The following NTM variants were observed in gnomAD, a reference collection of about 807,000 sequenced individuals.
The protein encoded by NTM is neurotrimin.
A neutral mutation model predicts 42.1 loss-of-function variants in NTM; 13 were observed. The observed-to-expected ratio is 0.31, with a 90% CI of 0.20 to 0.49. The LOEUF is 0.49. Ranked by LOEUF, NTM falls within the 20% of genes least tolerant of loss-of-function variation. The probability of loss-of-function intolerance (pLI) is 0.99; values close to 1 mark genes in which losing one functional copy is unlikely to be tolerated. For synonymous variants in NTM, 187 were observed against 179.2 expected, an observed-to-expected ratio of 1.04 and a Z score of -0.35; for missense variants, 373 against 452.8, an observed-to-expected ratio of 0.82 and a Z score of 1.60.
rs545096743 is a variant in NTM, at chr11:132,220,837, G to A, written c.526+8690G>A. On this transcript the variant is annotated intron_variant, in intron 4 of 8. Coordinates refer to ENST00000683400, the MANE Select transcript of NTM (RefSeq NM_001352005.2). ...TCATCCTCCCCACAGAAGCCAACCA[G>A]CCATAGCTCAGTAAGATGCAAAGTC... Among the ~76,000 whole-genome samples the A allele has an allele frequency of 6.6e-5, 10 of 152,260 alleles. No homozygotes were observed. In the South Asian group the frequency reaches 2.1e-3, roughly 32 times the overall value.
intron 4 of NTM, among the ~76,000 whole-genome samples, chr11:132,277,506 T>C (rs2093775532): frequency 6.6e-6 from 1 of 152,306 alleles, no homozygotes; most frequent in African/African-American, 2.4e-5. Context: ...CTTTTCTTCT[T>C]TTCCCTTATA....
chr11:132,312,710 C>A (rs1227232448), intron 6 of NTM: 3 of 154,906 alleles, frequency 1.9e-5, no homozygotes, highest in Non-Finnish European at 4.4e-5. Context: ...AAAGCTTCCT[C>A]CCCATGGTGG....
At chr11:131,812,341 A>C (rs2092772735) in intron 1 of NTM, among the ~76,000 whole-genome samples, 1 of 152,102 alleles carries the variant, frequency 6.6e-6, no homozygotes, top group African/African-American at 2.4e-5. Context: ...CCTTTCAGTA[A>C]ATAGTGATGT....
chr11:131,925,537 C>T (rs541285201), intron 2 of NTM, among the ~76,000 whole-genome samples: 1 of 152,096 alleles, frequency 6.6e-6, no homozygotes, highest in South Asian at 2.1e-4. Flanking sequence ...AGGTACATGC[C>T]ACCATGCCCA....
rs115722271 is a variant in NTM at position 131,522,872 on chromosome 11, G to A, written c.82+151984G>A. Among the ~76,000 whole-genome samples, 708 of 152,302 alleles carry A rather than the reference G, an allele frequency of 4.6e-3. 5 individuals are homozygous for A. The highest frequency in any genetic ancestry group is 0.016 in the African/African-American group (666 of 41,572). On this transcript the variant is annotated intron_variant, in intron 1 of 8. Transcript: ENST00000683400. ...TAGCAGCCATTTAAAACATGCTAAT[G>A]CCTGGGTTCTACTCTAGACTGATGA...
At chr11:132,057,582 G>A (rs536162178) in intron 2 of NTM, among the ~76,000 whole-genome samples, 2 of 152,272 alleles carry the variant, frequency 1.3e-5, no homozygotes, top group Admixed American at 6.5e-5. Context: ...GAGCTGTGCT[G>A]CCCCTTCCTT....
intron 1 of NTM, among the ~76,000 whole-genome samples, chr11:131,828,365 G>A (rs1208700760): frequency 1.3e-5 from 2 of 151,526 alleles, no homozygotes; most frequent in Non-Finnish European, 2.9e-5. Flanking sequence ...CACCATCTTT[G>A]CCATCACTGC....
intron 1 of NTM, among the ~76,000 whole-genome samples, chr11:131,473,921 A>G (rs998302279): frequency 1.3e-5 from 2 of 152,070 alleles, no homozygotes; most frequent in Admixed American, 1.3e-4. Context: ...TCTTTTTCAA[A>G]CTATTGAGTT....
chr11:132,327,074 A>T (rs896735957), intron 7 of NTM, among the ~76,000 whole-genome samples: 19 of 152,240 alleles, frequency 1.2e-4, no homozygotes, highest in Non-Finnish European at 2.5e-4. Context: ...TTCTGCAAAC[A>T]AAACAGATTG....
In NTM at chr11:132,146,233, T is replaced by C. The variant is rs1023850538; in HGVS notation, c.168-49T>C. The C allele has an allele frequency of 1.2e-6, 2 of 1,603,476 alleles. No individual in the cohort carries two copies. The highest frequency in any genetic ancestry group is 2.7e-5 in the African/African-American group (2 of 74,766). On this transcript the variant is annotated intron_variant, in intron 2 of 8. Transcript: ENST00000683400. The surrounding 1 kb of genome is among the most constrained non-coding windows in gnomAD (Gnocchi z 4.5). ...GCCATGAGGACCTCCCTCTGATGGCTGCTGTCGTCTCTCAGTCCCTTGACG... is the reference window on the plus strand; with the variant it reads ...GCCATGAGGACCTCCCTCTGATGGCCGCTGTCGTCTCTCAGTCCCTTGACG...
At chr11:131,439,449 A>G (rs1591667459) in intron 1 of NTM, among the ~76,000 whole-genome samples, 1 of 152,330 alleles carries the variant, frequency 6.6e-6, no homozygotes, top group African/African-American at 2.4e-5. Flanking sequence ...TTTCTGAGCT[A>G]TGGTGGGCTC....
chr11:132,246,618 G>A (rs1167335310), intron 4 of NTM, among the ~76,000 whole-genome samples: 2 of 152,324 alleles, frequency 1.3e-5, no homozygotes, highest in African/African-American at 2.4e-5. Flanking sequence ...TTTCTGAAAC[G>A]CACACCTGCG....
At chr11:131,651,868 A>T (rs2066536053) in intron 1 of NTM, among the ~76,000 whole-genome samples, 1 of 151,906 alleles carries the variant, frequency 6.6e-6, no homozygotes, top group South Asian at 2.1e-4. Context: ...AAAGAAAAAA[A>T]AAAATATCAT....
chr11:132,177,369 A>G (rs566602385), intron 3 of NTM, among the ~76,000 whole-genome samples: 2 of 152,240 alleles, frequency 1.3e-5, no homozygotes, highest in South Asian at 2.1e-4. Context: ...CAGCAGTGGC[A>G]CTCCAATCCA....
At chr11:131,644,002 C>A (rs113876532) in intron 1 of NTM, among the ~76,000 whole-genome samples, 1 of 152,174 alleles carries the variant, frequency 6.6e-6, no homozygotes, top group African/African-American at 2.4e-5. Context: ...CATTATAAGA[C>A]GACTTCTGCA....
intron 3 of NTM, among the ~76,000 whole-genome samples, chr11:132,192,220 C>T (rs907315645): frequency 2.0e-5 from 3 of 152,128 alleles, no homozygotes; most frequent in African/African-American, 7.2e-5. Flanking sequence ...TCATCAGACT[C>T]TCCAAGGTCA....
chr11:131,396,760 G>C (rs554656307), intron 1 of NTM, among the ~76,000 whole-genome samples: 2 of 152,154 alleles, frequency 1.3e-5, no homozygotes, highest in African/African-American at 4.8e-5. Context: ...CTTGAACACG[G>C]GGGACGGAAG....
intron 2 of NTM, among the ~76,000 whole-genome samples, chr11:132,064,655 T>G (rs1479014076): frequency 2.0e-5 from 3 of 152,138 alleles, no homozygotes; most frequent in Non-Finnish European, 4.4e-5. Context: ...GATCACACAG[T>G]GCAGGAAACA....
chr11:131,463,550 T>C (rs1425536900), intron 1 of NTM, among the ~76,000 whole-genome samples: 1 of 152,240 alleles, frequency 6.6e-6, no homozygotes. Context: ...CAGCTGCTAG[T>C]ATTATTATTT....
Sources: allele counts gnomAD v4.1 joint callset (sites outside exome capture counted in the v4.1 genomes callset), GRCh38; gene constraint gnomAD v4.1.1; non-coding constraint Gnocchi (gnomAD v3.1); transcripts MANE v1.5; gene names NCBI Gene and HGNC (gene_info 2026-07-23, HGNC 2026-07-21).